Variants in RCAN2 observed in about 807,000 individuals in gnomAD.
RCAN2 encodes the protein regulator of calcineurin 2, also known as calcipressin-2.
A neutral mutation model predicts 23.6 loss-of-function variants in RCAN2; 9 were observed. The observed-to-expected ratio is 0.38, with a 90% CI of 0.23 to 0.67. The LOEUF is 0.67. Among genes scored for constraint, RCAN2 ranks in the 30% least tolerant of loss-of-function variants. The probability of loss-of-function intolerance (pLI) is 0.51; values close to 1 mark genes in which losing one functional copy is unlikely to be tolerated. For synonymous variants in RCAN2, 109 were observed against 115.7 expected (o/e 0.94, Z 0.37); for missense variants, 273 against 302.3 (o/e 0.90, Z 0.72).
In RCAN2 at chr6:46,246,878, A is replaced by T; in HGVS notation, c.441T>A (p.Ala147=). ...GAAACTGTTTGGCAGGCTGGGGTGG[A>T]GCCAAGTGCAGTTTGTCTCCATCTG... ...PETDGDKLHL[A]PPQPAKQFLI... is the part of the protein sequence containing the mutation. The change falls in exon 4 of 5, where the codon GCT becomes GCA. Residue 147 remains alanine, a synonymous_variant. Transcript: ENST00000371374. 6.2e-7 allele frequency: 1 copy of T among 1,602,150 alleles called. No individual in the cohort carries two copies. The highest frequency in any genetic ancestry group is 8.5e-7 in the Non-Finnish European group (1 of 1,172,986).
chr6:46,431,306 A>G (rs938638326), intron 2 of RCAN2, among the ~76,000 whole-genome samples: 1 of 152,164 alleles, frequency 6.6e-6, no homozygotes, highest in Non-Finnish European at 1.5e-5. Context: ...TCTGGGCTCA[A>G]GCAATCCTCC....
At chr6:46,237,250 A>G (rs1218776931) in intron 4 of RCAN2, among the ~76,000 whole-genome samples, 1 of 152,190 alleles carries the variant, frequency 6.6e-6, no homozygotes, top group African/African-American at 2.4e-5. Flanking sequence ...TGTTTTGGCC[A>G]TTGATAGTTA....
intron 2 of RCAN2, among the ~76,000 whole-genome samples, chr6:46,440,102 C>G (rs1304050267): frequency 1.3e-5 from 2 of 152,168 alleles, no homozygotes; most frequent in Non-Finnish European, 2.9e-5. Context: ...TAATGTGTCT[C>G]TAAGCCTTCA....
intron 2 of RCAN2, among the ~76,000 whole-genome samples, chr6:46,302,427 C>T (rs1762930896): frequency 6.6e-6 from 1 of 152,046 alleles, no homozygotes; most frequent in Non-Finnish European, 1.5e-5. Flanking sequence ...GACTCTGCTG[C>T]CCAGATCACC....
chr6:46,341,438 G>C (rs955154513), intron 2 of RCAN2, among the ~76,000 whole-genome samples: 4 of 152,164 alleles, frequency 2.6e-5, no homozygotes, highest in African/African-American at 9.7e-5. Context: ...TTTTAAGAAA[G>C]TTTACGAATT....
intron 2 of RCAN2, among the ~76,000 whole-genome samples, chr6:46,284,600 A>G (rs1175950878): frequency 6.6e-6 from 1 of 152,216 alleles, no homozygotes; most frequent in African/African-American, 2.4e-5. Context: ...CATTTGCATC[A>G]TGACTATTCC....
chr6:46,406,660 T>C lies in RCAN2; in HGVS notation c.225+50092A>G, dbSNP rs1766414821. 2.0e-5 allele frequency among the ~76,000 whole-genome samples: 3 copies of C among 152,266 alleles called. No individual in the cohort carries two copies. The South Asian group carries it at 6.2e-4, about 31-fold the overall frequency. On this transcript the variant is annotated intron_variant, in intron 2 of 4. Coordinates refer to ENST00000371374, the MANE Select transcript of RCAN2 (RefSeq NM_001251974.2). ...AGAGAGAAACAGGTTTCAATGTTCT[T>C]CTTTTAGAAAAGCCTTTGCTTTACC...
chr6:46,394,053 T>A (rs764914613), intron 2 of RCAN2, among the ~76,000 whole-genome samples: 1 of 152,176 alleles, frequency 6.6e-6, no homozygotes, highest in African/African-American at 2.4e-5. Flanking sequence ...AGATGACCGA[T>A]GTTTGAAAGC....
intron 2 of RCAN2, among the ~76,000 whole-genome samples, chr6:46,376,716 A>T (rs1284155371): frequency 2.9e-5 from 1 of 34,400 alleles, no homozygotes; most frequent in South Asian, 1.0e-3. Context: ...ACAAACAAAC[A>T]AAAAAAAAAA....
intron 2 of RCAN2, among the ~76,000 whole-genome samples, chr6:46,437,692 G>C (rs1438797857): frequency 6.6e-6 from 1 of 152,178 alleles, no homozygotes; most frequent in Non-Finnish European, 1.5e-5. Flanking sequence ...AGTATGCCTT[G>C]AGCTTGAAAA....
intron 1 of RCAN2, among the ~76,000 whole-genome samples, chr6:46,488,593 G>T (rs1028250140): frequency 3.9e-5 from 6 of 152,164 alleles, no homozygotes; most frequent in Non-Finnish European, 8.8e-5. Flanking sequence ...TCAGTAGAAG[G>T]TTAGCACCAG....
chr6:46,248,956 C>T, intron 2 of RCAN2, 60 bp from the exon 3 acceptor site: 1 of 1,217,870 alleles, frequency 8.2e-7, no homozygotes, highest in South Asian at 1.6e-5. Flanking sequence ...CGTATGATGT[C>T]ATATCTGATA....
intron 2 of RCAN2, among the ~76,000 whole-genome samples, chr6:46,455,722 G>A (rs1287229587): frequency 5.3e-5 from 8 of 151,884 alleles, no homozygotes; most frequent in Admixed American, 3.9e-4. Flanking sequence ...TGGGCGTGGT[G>A]ATGGGCGCCT....
chr6:46,300,226 A>C (rs1762862654), intron 2 of RCAN2, among the ~76,000 whole-genome samples: 1 of 152,022 alleles, frequency 6.6e-6, no homozygotes, highest in South Asian at 2.1e-4. Flanking sequence ...AATTACATTA[A>C]ATATAAGTGA....
Position 46,456,883 on chromosome 6 carries a change from C to A in RCAN2, c.94G>T (p.Asp32Tyr), listed in dbSNP as rs771270832. The A allele has an allele frequency of 6.4e-7, 1 of 1,550,656 alleles. No individual in the cohort carries two copies. Among genetic ancestry groups the A allele is most frequent in the South Asian group, 1.2e-5 (1 of 84,060 alleles). The change falls in exon 2 of 5, where the codon GAC becomes TAC. Residue 32 changes from aspartate to tyrosine, a missense_variant. Asp to Tyr is a radical substitution (Grantham distance 160). Transcript: ENST00000371374. ...DGGLFLLCCI[D>Y]RDWAVTRCFA... ...CAACGAGTGACAGCCCAGTCCCTGTCTATGCAGCACAGTAAGAAAAGTCCT... is the reference window on the plus strand; with the variant it reads ...CAACGAGTGACAGCCCAGTCCCTGTATATGCAGCACAGTAAGAAAAGTCCT...
intron 2 of RCAN2, among the ~76,000 whole-genome samples, chr6:46,450,406 A>G (rs1767842517): frequency 6.6e-6 from 1 of 152,082 alleles, no homozygotes; most frequent in Admixed American, 6.5e-5. Flanking sequence ...AAAACTAAAA[A>G]TAGAACCACC....
At position 46,438,084 on chromosome 6, in the gene RCAN2, G is replaced by A. The variant is rs1767423547; in HGVS notation, c.225+18668C>T. ...CAGAGTCAAAGGCCATTCTTTCCCT[G>A]TCACCCCCACTCATCAGTCATCCTT... On this transcript the variant is annotated intron_variant, in intron 2 of 4. Coordinates refer to ENST00000371374, the MANE Select transcript of RCAN2 (RefSeq NM_001251974.2). Among the ~76,000 whole-genome samples the A allele has an allele frequency of 2.0e-5, 3 of 152,230 alleles. No homozygotes were observed. In the South Asian group the frequency reaches 6.2e-4, roughly 32 times the overall value.
chr6:46,446,542 C>T (rs1227015997), intron 2 of RCAN2, among the ~76,000 whole-genome samples: 2 of 152,110 alleles, frequency 1.3e-5, no homozygotes. Context: ...AATCAGTACA[C>T]AGTCAAATTC....
At chr6:46,336,241 G>A (rs974451444) in intron 2 of RCAN2, among the ~76,000 whole-genome samples, 19 of 152,224 alleles carry the variant, frequency 1.2e-4, no homozygotes, top group Non-Finnish European at 2.2e-4. Flanking sequence ...GTTGAAATCT[G>A]TAAGTAGCAA....
Sources: gnomAD v4.1 joint callset for allele counts (sites outside exome capture counted in the v4.1 genomes callset) on GRCh38, gnomAD v4.1.1 for gene constraint, MANE v1.5 for transcripts, NCBI Gene and HGNC (gene_info 2026-07-23, HGNC 2026-07-21) for gene names.